USP49: variants seen among roughly 807,000 people sequenced by gnomAD.
The protein encoded by USP49 is ubiquitin carboxyl-terminal hydrolase 49.
USP49 carries 24 observed loss-of-function variants against 58.6 expected under a neutral mutation model. The ratio of observed to expected loss-of-function variants is 0.41; its 90% confidence interval spans 0.30 to 0.58. The LOEUF is 0.58. USP49 is among the 20% of genes least tolerant of loss of function. USP49 has a pLI of 0.30. For synonymous variants in USP49, 408 were observed against 365.1 expected (o/e 1.12, Z -1.34); for missense variants, 703 against 866.1 (o/e 0.81, Z 2.36).
At chr6:41,839,764 T>C (rs1773789608) in intron 3 of USP49, among the ~76,000 whole-genome samples, 4 of 150,702 alleles carry the variant, frequency 2.7e-5, no homozygotes, top group Admixed American at 6.7e-5. Context: ...AAATATTGTA[T>C]GTTCTCATAA....
At chr6:41,815,875 T>C (rs577684245) in intron 3 of USP49, among the ~76,000 whole-genome samples, 18 of 152,320 alleles carry the variant, frequency 1.2e-4, no homozygotes, top group African/African-American at 4.1e-4. Context: ...TTACAGCAGA[T>C]GTAAGGTTAT....
At chr6:41,797,576 T>C in intron 7 of USP49, 4 of 979,138 alleles carry the variant, frequency 4.1e-6, no homozygotes, top group Non-Finnish European at 2.4e-6. Context: ...TAAAGCTCCT[T>C]TGGAGGGGCC....
At chr6:41,864,562 C>A (rs1305406918) in intron 3 of USP49, among the ~76,000 whole-genome samples, 1 of 151,840 alleles carries the variant, frequency 6.6e-6, no homozygotes, top group Admixed American at 6.6e-5. Flanking sequence ...GACTCCGTCT[C>A]AAAACAAAAC....
chr6:41,800,293 T>C (rs878905354), intron 5 of USP49, among the ~76,000 whole-genome samples: 1 of 152,168 alleles, frequency 6.6e-6, no homozygotes, highest in Admixed American at 6.5e-5. Flanking sequence ...TGCAATGGGA[T>C]AGTAAAACAG....
rs1208711491 is a variant in USP49, at chr6:41,802,472, TTTA to T, written c.1561+1331_1561+1333del. Among the ~76,000 whole-genome samples the T allele has an allele frequency of 3.0e-4, 21 of 69,056 alleles. No individual in the cohort carries two copies. The East Asian group carries it at 7.2e-3, about 24-fold the overall frequency. 45.3% of individuals were successfully genotyped at this position (69,056 alleles called of 152,430 possible). A position where few individuals can be genotyped will look rare whatever the true frequency, so the allele number is the denominator to read the frequency against. On this transcript the variant is annotated intron_variant, in intron 5 of 7. Coordinates refer to ENST00000682992, the MANE Select transcript of USP49 (RefSeq NM_001286554.2). ...TATTTATTTATTTATTTATTTATTT[TTTA>T]TTTATTTTTTTTTTTTGAGACAGCA...
At chr6:41,810,687 C>T (rs1419234798) in intron 3 of USP49, among the ~76,000 whole-genome samples, 2 of 150,266 alleles carry the variant, frequency 1.3e-5, no homozygotes, top group Non-Finnish European at 3.0e-5. Context: ...GCTGGGATTA[C>T]AGGCAAGGGC....
chr6:41,815,334 T>C, intron 3 of USP49, among the ~76,000 whole-genome samples: 1 of 151,030 alleles, frequency 6.6e-6, no homozygotes, highest in Non-Finnish European at 1.5e-5. Flanking sequence ...GGCAGGAGAA[T>C]GGCGTGAACC....
chr6:41,796,797 G>A (rs954151949), intron 7 of USP49, 74 bp from the exon 8 acceptor site: 1 of 683,438 alleles, frequency 1.5e-6, no homozygotes, highest in African/African-American at 1.8e-5. Flanking sequence ...AAAATCAGGA[G>A]ATGAAGAAAG....
At chr6:41,835,707 T>TA (rs1364743701) in intron 3 of USP49, among the ~76,000 whole-genome samples, 2,665 of 99,852 alleles carry the variant, frequency 0.027, 39 homozygotes, top group South Asian at 0.073. Context: ...AGTGAGACTC[T>TA]AAAAAAAAAA....
intron 3 of USP49, among the ~76,000 whole-genome samples, chr6:41,831,173 C>T (rs755630079): frequency 2.0e-5 from 3 of 151,984 alleles, no homozygotes; most frequent in Non-Finnish European, 2.9e-5. Flanking sequence ...GGGCAGATCA[C>T]GAAGTCAGGA....
At chr6:41,847,896 C>G (rs1425672252) in intron 3 of USP49, among the ~76,000 whole-genome samples, 3 of 152,128 alleles carry the variant, frequency 2.0e-5, no homozygotes, top group African/African-American at 7.2e-5. Context: ...CTTCCCAAAT[C>G]TAAGGAGATA....
intron 3 of USP49, among the ~76,000 whole-genome samples, chr6:41,837,325 TACTCA>T (rs1484012230): frequency 2.0e-5 from 3 of 152,138 alleles, no homozygotes; most frequent in Admixed American, 1.3e-4. Flanking sequence ...AACCATCTGA[TACTCA>T]ACAAAGTCGA....
intron 5 of USP49, among the ~76,000 whole-genome samples, chr6:41,802,233 G>A (rs959889015): frequency 2.7e-4 from 41 of 151,522 alleles, no homozygotes; most frequent in African/African-American, 8.9e-4. Context: ...ATGCCACCAG[G>A]CTGGTCTCAA....
At chr6:41,889,419 C>A (rs1774773900) in intron 2 of USP49, among the ~76,000 whole-genome samples, 1 of 152,198 alleles carries the variant, frequency 6.6e-6, no homozygotes, top group African/African-American at 2.4e-5. Flanking sequence ...ATATGTATTT[C>A]ACCTAACTAT....
chr6:41,807,428 G>A (rs1366193864), intron 3 of USP49, among the ~76,000 whole-genome samples: 2 of 152,154 alleles, frequency 1.3e-5, no homozygotes, highest in Non-Finnish European at 2.9e-5. Flanking sequence ...TATGAGACGT[G>A]ACTAAGGAAC....
intron 3 of USP49, among the ~76,000 whole-genome samples, chr6:41,814,168 T>C (rs530429890): frequency 6.6e-6 from 1 of 152,204 alleles, no homozygotes; most frequent in Non-Finnish European, 1.5e-5. Flanking sequence ...AAGTTTTAAA[T>C]AGATCAGCAG....
chr6:41,869,911 T>A (rs1774384971), intron 3 of USP49, among the ~76,000 whole-genome samples: 3 of 152,138 alleles, frequency 2.0e-5, no homozygotes, highest in Admixed American at 2.0e-4. Context: ...ATAAACATCA[T>A]ATACACCCTA....
At chr6:41,832,770 T>C (rs1773657567) in intron 3 of USP49, 1 of 152,192 alleles carries the variant, frequency 6.6e-6, no homozygotes, top group African/African-American at 2.4e-5. Flanking sequence ...AAAACAAGAT[T>C]AGGCAACATT....
intron 3 of USP49, among the ~76,000 whole-genome samples, chr6:41,816,894 TG>T (rs34003348): frequency 1.3e-4 from 19 of 151,456 alleles, no homozygotes; most frequent in African/African-American, 4.4e-4. Context: ...TTGGTGGAGA[TG>T]GGGTTTTGCC....
Sources: allele counts gnomAD v4.1 joint callset (sites outside exome capture counted in the v4.1 genomes callset), GRCh38; gene constraint gnomAD v4.1.1; transcripts MANE v1.5; gene names NCBI Gene and HGNC (gene_info 2026-07-23, HGNC 2026-07-21).